MORN1: variants seen among roughly 807,000 people sequenced by gnomAD.
MORN1 encodes MORN repeat containing 1, also known as MORN repeat-containing protein 1.
MORN1 carries 67 observed loss-of-function variants against 61.9 expected under a neutral mutation model. That is an observed-to-expected ratio of 1.08 (90% CI 0.89 to 1.33). MORN1 has a LOEUF of 1.33. Ranked by LOEUF, MORN1 falls within the 40% of genes most tolerant of loss-of-function variation. MORN1 has a pLI of 0.00. For synonymous variants in MORN1, 301 were observed against 292.0 expected (o/e 1.03, Z -0.31); for missense variants, 752 against 691.2 (o/e 1.09, Z -0.99).
intron 10 of MORN1, among the ~76,000 whole-genome samples, chr1:2,342,064 C>G (rs1641406465): frequency 6.6e-6 from 1 of 152,256 alleles, no homozygotes; most frequent in Non-Finnish European, 1.5e-5. Flanking sequence ...GGAGTGCCTT[C>G]CAAGCCTTTA....
rs1366442234 is a variant in MORN1 at position 2,387,440 on chromosome 1, C to T, written c.337G>A (p.Val113Ile). 2 of 1,613,440 alleles carry T rather than the reference C, an allele frequency of 1.2e-6. No homozygotes were observed. The highest frequency in any genetic ancestry group is 2.2e-5 in the South Asian group (2 of 91,090). ...YKAGGCYEGEVSHGMREGHGF... is the reference protein window; with the variant it reads ...YKAGGCYEGEISHGMREGHGF... ...AGACCTTCCCGCATGCCGTGGGAGA[C>T]CTCCCCTTCATAACATCCGCCGGCT... The change falls in exon 4 of 14, where the codon GTC (valine) becomes ATC (isoleucine). Residue 113 changes from valine (V) to isoleucine (I), a missense_variant. Coordinates refer to ENST00000378531, the MANE Select transcript of MORN1 (RefSeq NM_024848.3).
At chr1:2,321,935 C>A (rs1640890251) in intron 13 of MORN1, 1 of 870,216 alleles carries the variant, frequency 1.1e-6, no homozygotes, top group Non-Finnish European at 1.4e-6. Flanking sequence ...GGCTACAGGT[C>A]CCTGAAGGAT....
At chr1:2,358,537 C>A (rs1641825649) in intron 9 of MORN1, 55 bp downstream of exon 9, 2 of 1,610,946 alleles carry the variant, frequency 1.2e-6, no homozygotes, top group Non-Finnish European at 1.7e-6. Flanking sequence ...TTAATGTGAC[C>A]TAAATGAACT....
chr1:2,380,599 A>G (rs993819555), intron 6 of MORN1, among the ~76,000 whole-genome samples: 2 of 152,134 alleles, frequency 1.3e-5, no homozygotes, highest in South Asian at 2.1e-4. Context: ...GCTGGAGTGC[A>G]GTGGGCGTGA....
chr1:2,379,717 C>T (rs1015574488), intron 6 of MORN1, among the ~76,000 whole-genome samples: 1 of 152,170 alleles, frequency 6.6e-6, no homozygotes, highest in African/African-American at 2.4e-5. Flanking sequence ...ATTAGGGTAA[C>T]CTTTTACAAA....
At chr1:2,371,552 C>T (rs1424754038) in intron 8 of MORN1, 1 of 152,252 alleles carries the variant, frequency 6.6e-6, no homozygotes, top group Non-Finnish European at 1.5e-5. Context: ...AAATCTGAAC[C>T]TTCATGCATT....
chr1:2,355,342 C>A, intron 10 of MORN1: 1 of 1,517,278 alleles, frequency 6.6e-7, no homozygotes, highest in Non-Finnish European at 8.9e-7. Flanking sequence ...TGGCGCCGGG[C>A]CCTGCTGCCC....
rs2645086 is a variant in MORN1, at chr1:2,357,308, T to A, written c.1036+124A>T. 1 of 1,080,040 alleles carries A rather than the reference T, an allele frequency of 9.3e-7. No homozygotes were observed. Among genetic ancestry groups the A allele is most frequent in the Admixed American group, 2.8e-5 (1 of 35,684 alleles). The allele number at this position is 1,080,040 out of a possible 1,614,324, so 66.9% of individuals were successfully genotyped here. ...CCTGCCTCCTTTCACCCACGCGTGATGACTGACCCTGGGTGCGGCTTGCTC... is the reference window on the plus strand; with the variant it reads ...CCTGCCTCCTTTCACCCACGCGTGAAGACTGACCCTGGGTGCGGCTTGCTC... On this transcript the variant is annotated intron_variant, in intron 10 of 13. Transcript: ENST00000378531. This position sits in a 1 kb window ranked among gnomAD's most constrained non-coding sequence, Gnocchi z 6.3.
chr1:2,364,424 T>C (rs1381159688), intron 8 of MORN1, among the ~76,000 whole-genome samples: 2 of 145,032 alleles, frequency 1.4e-5, no homozygotes, highest in African/African-American at 5.1e-5. Flanking sequence ...TGTTTTTTTC[T>C]TGTAAATTTG....
At chr1:2,385,766 T>C in intron 5 of MORN1, 41 bp downstream of exon 5, 2 of 1,573,344 alleles carry the variant, frequency 1.3e-6, no homozygotes, top group Non-Finnish European at 1.7e-6. Flanking sequence ...GCCCTGTGTA[T>C]CTGTCATGCG....
chr1:2,322,954 G>A (rs1295592859), intron 13 of MORN1: 2 of 985,320 alleles, frequency 2.0e-6, no homozygotes, highest in South Asian at 4.7e-5. Context: ...CTCTCACTTA[G>A]GGCCTCGGCC....
At position 2,355,325 on chromosome 1, in the gene MORN1, C is replaced by G. The variant is rs960189457; in HGVS notation, c.1036+2107G>C. 10 of 1,496,632 alleles carry G rather than the reference C, an allele frequency of 6.7e-6. No homozygotes were observed. The African/African-American group carries it at 1.1e-4, about 17-fold the overall frequency. The allele number at this position is 1,496,632 out of a possible 1,614,324, so 92.7% of individuals were successfully genotyped here. On this transcript the variant is annotated intron_variant, in intron 10 of 13. Transcript: ENST00000378531. ...CTGAGGCTTGGCCGCCTTGGCCTCC[C>G]GTGGAGTGGCGCCGGGCCCTGCTGC...
intron 10 of MORN1, among the ~76,000 whole-genome samples, chr1:2,346,723 C>T (rs1022234339): frequency 7.9e-5 from 12 of 152,218 alleles, no homozygotes; most frequent in African/African-American, 2.7e-4. Context: ...AAAAGCACCC[C>T]CTTCTCCTTC....
chr1:2,368,012 CAAAAGCAACA>C (rs958568071), intron 8 of MORN1, among the ~76,000 whole-genome samples: 14 of 152,240 alleles, frequency 9.2e-5, no homozygotes, highest in Admixed American at 5.2e-4. Flanking sequence ...GATATGACAT[CAAAAGCAACA>C]AAAAGAAAAA....
chr1:2,357,611 G>T lies in MORN1; in HGVS notation c.870-13C>A. 3.2e-6 allele frequency: 5 copies of T among 1,577,254 alleles called. No homozygotes were observed. Among genetic ancestry groups the T allele is most frequent in the Non-Finnish European group, 4.3e-6 (5 of 1,157,746 alleles). ...GCATTCGAACCCACTGCAAAGGAAT[G>T]GGGGCAGCTTGGCTCTACTCACCCC... is the stretch of plus-strand genomic sequence containing the variant. On this transcript the variant is annotated splice_polypyrimidine_tract_variant and intron_variant, in intron 9 of 13. Transcript: ENST00000378531. The surrounding 1 kb of genome is among the most constrained non-coding windows in gnomAD (Gnocchi z 6.3).
chr1:2,366,324 T>C (rs1437007737), intron 8 of MORN1, among the ~76,000 whole-genome samples: 1 of 142,586 alleles, frequency 7.0e-6, no homozygotes, highest in Admixed American at 7.1e-5. Context: ...CTGGGGACTG[T>C]TGTGGGGTGG....
At chr1:2,390,296 G>T (rs893648172) in intron 1 of MORN1, among the ~76,000 whole-genome samples, 4 of 152,190 alleles carry the variant, frequency 2.6e-5, no homozygotes, top group African/African-American at 9.7e-5. Context: ...AGAGGTGCTC[G>T]GGAGGTGGTG....
In MORN1 at chr1:2,357,968, G is replaced by A. The variant is rs1302344788; in HGVS notation, c.870-370C>T. Among the ~76,000 whole-genome samples, 2 of 152,196 alleles carry A rather than the reference G, an allele frequency of 1.3e-5. No homozygotes were observed. Among genetic ancestry groups the A allele is most frequent in the Non-Finnish European group, 2.9e-5 (2 of 68,046 alleles). On this transcript the variant is annotated intron_variant, in intron 9 of 13. Coordinates refer to ENST00000378531, the MANE Select transcript of MORN1 (RefSeq NM_024848.3). The surrounding 1 kb of genome is among the most constrained non-coding windows in gnomAD (Gnocchi z 6.3). Reference sequence around the variant, plus strand: ...AAGGGCCGGTGGGAAAAGGGAGTGTGAGAGCTGTGGCGTCACACTCAGGTC... The same window carrying A: ...AAGGGCCGGTGGGAAAAGGGAGTGTAAGAGCTGTGGCGTCACACTCAGGTC...
chr1:2,364,085 G>T (rs1031366180), intron 8 of MORN1, among the ~76,000 whole-genome samples: 1 of 152,030 alleles, frequency 6.6e-6, no homozygotes, highest in African/African-American at 2.4e-5. Flanking sequence ...ACATAGGCAG[G>T]TTAAAAGTAA....
Sources: allele counts gnomAD v4.1 joint callset (sites outside exome capture counted in the v4.1 genomes callset), GRCh38; gene constraint gnomAD v4.1.1; non-coding constraint Gnocchi (gnomAD v3.1); transcripts MANE v1.5; gene names NCBI Gene and HGNC (gene_info 2026-07-23, HGNC 2026-07-21).